The following KIF6 variants were observed in gnomAD, a reference collection of about 807,000 sequenced individuals.
KIF6 encodes kinesin family member 6.
In KIF6, 106 loss-of-function variants were observed where a neutral mutation model predicts 112.7. The observed-to-expected ratio is 0.94, with a 90% CI of 0.80 to 1.11. KIF6 has a LOEUF of 1.11. Among genes scored for constraint, KIF6 ranks in the 50% least tolerant of loss-of-function variants. The probability of loss-of-function intolerance (pLI) is 0.00; values close to 1 mark genes in which losing one functional copy is unlikely to be tolerated. For synonymous variants in KIF6, 339 were observed against 339.9 expected, an observed-to-expected ratio of 1.00 and a Z score of 0.03; for missense variants, 929 against 964.0, an observed-to-expected ratio of 0.96 and a Z score of 0.48.
At chr6:39,435,719 G>A (rs950106551) in intron 13 of KIF6, among the ~76,000 whole-genome samples, 121 of 152,116 alleles carry the variant, frequency 8.0e-4, no homozygotes, top group Non-Finnish European at 1.3e-3. Context: ...GTTCTTTATG[G>A]CTGAGCAGTA....
chr6:39,436,346 G>A (rs552033807), intron 13 of KIF6, among the ~76,000 whole-genome samples: 138 of 151,888 alleles, frequency 9.1e-4, no homozygotes, highest in Non-Finnish European at 1.7e-3. Context: ...TTATTTTTCT[G>A]TGCAGAAGCT....
In KIF6 at chr6:39,714,710, G is replaced by A; in HGVS notation, c.233C>T (p.Ala78Val). ...ANQETVFENI[A>V]KPVAGSVLAG... is the part of the protein sequence containing the mutation. ...ATCCTACCTCCCAGCAACTGGTTTG[G>A]CAATGTTTTCAAAAACGGTCTCTTG... Residue 78 changes from alanine (A) to valine (V), a missense_variant, in exon 3 of 23, where the codon GCC becomes GTC. This residue lies in a region of KIF6 where 688 missense variants were observed against 662.7 expected (regional missense o/e 1.04). Transcript: ENST00000287152. 6.2e-7 allele frequency: 1 copy of A among 1,613,658 alleles called. No homozygotes were observed. The highest frequency in any genetic ancestry group is 8.5e-7 in the Non-Finnish European group (1 of 1,179,668).
At chr6:39,560,212 C>T (rs1242735861) in intron 10 of KIF6, among the ~76,000 whole-genome samples, 1 of 152,152 alleles carries the variant, frequency 6.6e-6, no homozygotes, top group African/African-American at 2.4e-5. Flanking sequence ...TGAAGTTAGG[C>T]CCAGTGCTGC....
intron 15 of KIF6, among the ~76,000 whole-genome samples, chr6:39,390,612 G>A (rs1767802235): frequency 6.6e-6 from 1 of 152,118 alleles, no homozygotes; most frequent in Non-Finnish European, 1.5e-5. Flanking sequence ...TGGGGTCCTG[G>A]GTAATTACTA....
chr6:39,420,148 T>C, intron 14 of KIF6, 145 bp from the exon 15 acceptor site: 1 of 627,326 alleles, frequency 1.6e-6, no homozygotes. Flanking sequence ...TAAAATATAT[T>C]AGGCTTAAAA....
In KIF6 at chr6:39,603,646, G is replaced by A. The variant is rs112503895; in HGVS notation, c.640-7386C>T. Among the ~76,000 whole-genome samples, 575 of 151,810 alleles carry A rather than the reference G, an allele frequency of 3.8e-3. 5 individuals carry two copies. Among genetic ancestry groups the A allele is most frequent in the African/African-American group, 0.013 (546 of 41,398 alleles). On this transcript the variant is annotated intron_variant, in intron 6 of 22. Coordinates refer to ENST00000287152, the MANE Select transcript of KIF6 (RefSeq NM_145027.6). ...TCTTTTTTCTCTTCCTATTCAATAA[G>A]TGAAATATAATTTCTTGAGGTTTAC...
chr6:39,676,517 C>T (rs1787148638), intron 3 of KIF6, among the ~76,000 whole-genome samples: 1 of 151,968 alleles, frequency 6.6e-6, no homozygotes, highest in Non-Finnish European at 1.5e-5. Flanking sequence ...AGCAAAGAAA[C>T]TAGGATAACA....
intron 15 of KIF6, among the ~76,000 whole-genome samples, chr6:39,412,867 A>G (rs1769586626): frequency 6.6e-6 from 1 of 152,026 alleles, no homozygotes. Context: ...GGGGGGGCTT[A>G]TCGTGCTGCT....
chr6:39,557,526 A>G (rs1472456123), intron 10 of KIF6, among the ~76,000 whole-genome samples: 2 of 152,212 alleles, frequency 1.3e-5, no homozygotes, highest in Non-Finnish European at 2.9e-5. Flanking sequence ...GAGTTTTAGT[A>G]TGTTCCTGAA....
intron 13 of KIF6, among the ~76,000 whole-genome samples, chr6:39,524,909 T>C (rs549216955): frequency 1.6e-3 from 250 of 152,210 alleles, no homozygotes; most frequent in South Asian, 3.3e-3. Context: ...CTCAAAATAA[T>C]CCACTGGCAA....
At chr6:39,622,635 G>C (rs1297200935) in intron 5 of KIF6, among the ~76,000 whole-genome samples, 1 of 152,140 alleles carries the variant, frequency 6.6e-6, no homozygotes, top group Non-Finnish European at 1.5e-5. Context: ...ATTTTGTTCA[G>C]GGAATTATTT....
intron 15 of KIF6, among the ~76,000 whole-genome samples, chr6:39,415,172 G>C (rs556980471): frequency 6.6e-6 from 1 of 152,176 alleles, no homozygotes; most frequent in African/African-American, 2.4e-5. Context: ...GGATGACAGA[G>C]TGAAACTCTG....
At position 39,342,695 on chromosome 6, in the gene KIF6, A is replaced by G; in HGVS notation, c.2428+1014T>C. ...GCAGAGGTGGGGCTGTCTCAGGCTTAAGAAAGGACCTGACAGTGTTGCTGA... is the reference window on the plus strand; with the variant it reads ...GCAGAGGTGGGGCTGTCTCAGGCTTGAGAAAGGACCTGACAGTGTTGCTGA... On this transcript the variant is annotated intron_variant, in intron 22 of 22. Transcript: ENST00000287152. This position sits in a 1 kb window ranked among gnomAD's most constrained non-coding sequence, Gnocchi z 4.7. 1 of 584,284 alleles carries G rather than the reference A, an allele frequency of 1.7e-6. No individual in the cohort carries two copies. Among genetic ancestry groups the G allele is most frequent in the Non-Finnish European group, 2.1e-6 (1 of 465,174 alleles). 36.2% of individuals were successfully genotyped at this position (584,284 alleles called of 1,614,324 possible).
chr6:39,649,774 A>AAAGAAAGAAAGAAAGG lies in KIF6; in HGVS notation c.252-10018_252-10017insCCTTTCTTTCTTTCTT, dbSNP rs1554140924. Among the ~76,000 whole-genome samples the AAAGAAAGAAAGAAAGG allele has an allele frequency of 5.0e-3, 490 of 98,212 alleles. 4 individuals are homozygous for AAAGAAAGAAAGAAAGG. The highest frequency in any genetic ancestry group is 0.016 in the African/African-American group (408 of 25,360). 64.4% of individuals were successfully genotyped at this position (98,212 alleles called of 152,430 possible). On this transcript the variant is annotated intron_variant, in intron 3 of 22. Coordinates refer to ENST00000287152, the MANE Select transcript of KIF6 (RefSeq NM_145027.6). ...GAAAGAAAGAAAGAAAGAAAGAAAGAAAAGAAACTAAACTAAATATCAGCA... is the reference window on the plus strand; with the variant it reads ...GAAAGAAAGAAAGAAAGAAAGAAAGAAAGAAAGAAAGAAAGGAAAGAAACTAAACTAAATATCAGCA...
chr6:39,384,540 TTC>T, intron 16 of KIF6, among the ~76,000 whole-genome samples: 1 of 152,220 alleles, frequency 6.6e-6, no homozygotes. Flanking sequence ...GGTGCCCTTG[TTC>T]TATGTTCCTG....
At chr6:39,434,570 CAAAACAAAACAAAACAAA>C (rs1771394722) in intron 13 of KIF6, among the ~76,000 whole-genome samples, 1 of 135,362 alleles carries the variant, frequency 7.4e-6, no homozygotes, top group African/African-American at 2.5e-5. Flanking sequence ...GACTCCATCT[CAAAACAAAACAAAACAAA>C]AAAACAAAAC....
At chr6:39,668,780 A>T (rs1256337885) in intron 3 of KIF6, among the ~76,000 whole-genome samples, 1 of 152,158 alleles carries the variant, frequency 6.6e-6, no homozygotes, top group East Asian at 1.9e-4. Context: ...CTCCTCCATT[A>T]TAATTTTAAG....
intron 16 of KIF6, 58 bp from the exon 17 acceptor site, chr6:39,362,576 A>G (rs1765246837): frequency 9.4e-6 from 12 of 1,276,362 alleles, no homozygotes; most frequent in African/African-American, 1.5e-5. Flanking sequence ...GAAGAGTGTG[A>G]TATTTGGGCA....
chr6:39,657,233 C>CA (rs1201000938), intron 3 of KIF6, among the ~76,000 whole-genome samples: 97 of 115,564 alleles, frequency 8.4e-4, no homozygotes, highest in African/African-American at 1.9e-3. Context: ...AACTCCATCT[C>CA]AAAAAAAAAA....
Sources: gnomAD v4.1 joint callset for allele counts (sites outside exome capture counted in the v4.1 genomes callset) on GRCh38, gnomAD v4.1.1 for gene constraint, gnomAD v4.1.1 regional missense constraint, Gnocchi (gnomAD v3.1) non-coding constraint, MANE v1.5 for transcripts, NCBI Gene and HGNC (gene_info 2026-07-23, HGNC 2026-07-21) for gene names.